MYH2: variants seen among roughly 807,000 people sequenced by gnomAD.
MYH2 encodes the protein myosin heavy chain 2, also known as myosin-2.
A neutral mutation model predicts 228.1 loss-of-function variants in MYH2; 139 were observed. The observed-to-expected ratio is 0.61, with a 90% CI of 0.53 to 0.70. MYH2 has a LOEUF of 0.70. Among genes scored for constraint, MYH2 ranks in the 30% least tolerant of loss-of-function variants. The pLI is 0.00. For synonymous variants in MYH2, 796 were observed against 871.1 expected (o/e 0.91, Z 1.52); for missense variants, 1,809 against 2,357.5 (o/e 0.77, Z 4.82).
At chr17:10,527,636 G>C in intron 28 of MYH2, 112 bp downstream of exon 28, 1 of 1,526,458 alleles carries the variant, frequency 6.6e-7, no homozygotes, top group East Asian at 2.3e-5. Context: ...GCTGTTCAGT[G>C]AATCAGACAT....
At position 10,521,166 on chromosome 17, in the gene MYH2, C is replaced by T; in HGVS notation, c.*114G>A. ...CTAAGGATATTGTTTGCAAACTACC[C>T]TATGCTTTATTTCCTTTGCAACAGG... On this transcript the variant is annotated 3_prime_UTR_variant, in exon 40 of 40. Coordinates refer to ENST00000245503, the MANE Select transcript of MYH2 (RefSeq NM_017534.6). 4 of 1,300,156 alleles carry T rather than the reference C, an allele frequency of 3.1e-6. No individual in the cohort carries two copies. Among genetic ancestry groups the T allele is most frequent in the Non-Finnish European group, 4.4e-6 (4 of 900,314 alleles). 80.5% of individuals were successfully genotyped at this position (1,300,156 alleles called of 1,614,324 possible).
chr17:10,546,103 G>T (rs2142322580), intron 4 of MYH2, among the ~76,000 whole-genome samples: 1 of 151,602 alleles, frequency 6.6e-6, no homozygotes, highest in Middle Eastern at 3.4e-3. Flanking sequence ...TAAGCTAAGT[G>T]GCCAACAGTA....
chr17:10,535,305 T>C lies in MYH2; in HGVS notation c.2035A>G (p.Ile679Val). The change falls in exon 18 of 40, where the codon ATC becomes GTC. Residue 679 changes from isoleucine (I) to valine (V), a missense_variant. Transcript: ENST00000245503. ...RSTHPHFVRC[I>V]IPNETKTPGA... ...GGAGTTTTTGTCTCATTGGGGATGA[T>C]ACACCTCACAAAGTGAGGATGGGTA... 1.2e-6 allele frequency: 2 copies of C among 1,614,182 alleles called. No individual in the cohort carries two copies. Among genetic ancestry groups the C allele is most frequent in the Non-Finnish European group, 1.7e-6 (2 of 1,180,020 alleles).
chr17:10,539,471 A>ATAC lies in MYH2; in HGVS notation c.1236_1238dup (p.Glu412_Tyr413insTer). On this transcript the variant is annotated stop_gained, in exon 13 of 40. Transcript: ENST00000245503. LOFTEE classifies it high-confidence loss of function. ...GTTCTACAGTCTGGCCTTTGGTGAC[A>ATAC]TACTCATTGCCGACCTTGACCCTGG... 1 of 1,614,216 alleles carries ATAC rather than the reference A, an allele frequency of 6.2e-7. No individual in the cohort carries two copies. The highest frequency in any genetic ancestry group is 8.5e-7 in the Non-Finnish European group (1 of 1,180,034).
At chr17:10,533,147 A>G in intron 21 of MYH2, 138 bp downstream of exon 21, 1 of 1,285,666 alleles carries the variant, frequency 7.8e-7, no homozygotes, top group South Asian at 1.3e-5. Context: ...GTTTTCTGGT[A>G]CATGTGTATT....
In MYH2 at chr17:10,536,529, C is replaced by G. The variant is rs750482091; in HGVS notation, c.1974+1G>C. On this transcript the variant is annotated splice_donor_variant, in intron 17 of 39. Coordinates refer to ENST00000245503, the MANE Select transcript of MYH2 (RefSeq NM_017534.6). LOFTEE classifies it high-confidence loss of function. Reference sequence around the variant, plus strand: ...AATGTCAAAAACAATTTCTTCCTTACTCTGAAAAGGGCAGACACTGTCTGG... The same window carrying G: ...AATGTCAAAAACAATTTCTTCCTTAGTCTGAAAAGGGCAGACACTGTCTGG... The G allele has an allele frequency of 1.2e-6, 2 of 1,613,254 alleles. No individual in the cohort carries two copies. Among genetic ancestry groups the G allele is most frequent in the Non-Finnish European group, 1.7e-6 (2 of 1,179,432 alleles).
intron 4 of MYH2, among the ~76,000 whole-genome samples, chr17:10,545,797 T>C (rs748556059): frequency 1.3e-5 from 2 of 152,120 alleles, no homozygotes; most frequent in Non-Finnish European, 2.9e-5. Context: ...GGAAATTAAT[T>C]GAATTTTAAC....
In MYH2 at chr17:10,537,434, A is replaced by C; in HGVS notation, c.1696T>G (p.Phe566Val). 1 of 1,614,210 alleles carries C rather than the reference A, an allele frequency of 6.2e-7. No individual in the cohort carries two copies. Among genetic ancestry groups the C allele is most frequent in the East Asian group, 2.2e-5 (1 of 44,888 alleles). Residue 566 changes from phenylalanine to valine, a missense_variant, in exon 16 of 40, where the codon TTC becomes GTC. Physicochemically the swap from Phe to Val is conservative, Grantham distance 50. Transcript: ENST00000245503. This position sits in a 1 kb window ranked among gnomAD's most constrained non-coding sequence, Gnocchi z 4.0. ...YDQHLGKSAN[F>V]QKPKVVKGKA... ...CCTTTGACCACCTTGGGCTTCTGGAAGTTGGCAGACTTGCCCAGGTGCTGG... is the reference window on the plus strand; with the variant it reads ...CCTTTGACCACCTTGGGCTTCTGGACGTTGGCAGACTTGCCCAGGTGCTGG...
chr17:10,525,333 A>G lies in MYH2; in HGVS notation c.4553T>C (p.Leu1518Pro). 1 of 1,614,082 alleles carries G rather than the reference A, an allele frequency of 6.2e-7. No homozygotes were observed. The highest frequency in any genetic ancestry group is 8.5e-7 in the Non-Finnish European group (1 of 1,180,012). Residue 1518 changes from leucine (L) to proline (P), a missense_variant, in exon 33 of 40, where the codon CTC becomes CCC. Physicochemically the swap from Leu to Pro is moderately conservative, Grantham distance 98. Transcript: ENST00000245503. This position sits in a 1 kb window ranked among gnomAD's most constrained non-coding sequence, Gnocchi z 4.2. ...CCCTCCTTCTGCAATCTGTTCCGTG[A>G]GGTCAGAAATCTCCTCTGTTGTTTG... is the stretch of plus-strand genomic sequence containing the variant. ...NKNLQQEISD[L>P]TEQIAEGGKR...
chr17:10,540,201 T>A, intron 11 of MYH2, 135 bp from the exon 12 acceptor site: 1 of 1,254,800 alleles, frequency 8.0e-7, no homozygotes. Context: ...ATTGGGTATA[T>A]AGAGAGTTGG....
At chr17:10,534,550 G>C (rs1567732425) in intron 19 of MYH2, among the ~76,000 whole-genome samples, 2 of 152,230 alleles carry the variant, frequency 1.3e-5, no homozygotes. Context: ...GTGCATCTAT[G>C]AGCTAAGCTA....
rs2073321662 is a variant in MYH2, at chr17:10,524,383, C to T, written c.5175+83G>A. The T allele has an allele frequency of 2.0e-5, 31 of 1,550,328 alleles. No individual in the cohort carries two copies. The highest frequency in any genetic ancestry group is 2.7e-5 in the Non-Finnish European group (30 of 1,122,050). On this transcript the variant is annotated intron_variant, in intron 35 of 39. Coordinates refer to ENST00000245503, the MANE Select transcript of MYH2 (RefSeq NM_017534.6). This position sits in a 1 kb window ranked among gnomAD's most constrained non-coding sequence, Gnocchi z 4.7. ...AGAAAATTTGATAGACATATTAGGT[C>T]TAGCTGTCTTATGAAAACTCAGGCT...
rs750223323 is a variant in MYH2 at position 10,523,880 on chromosome 17, G to C, written c.5180C>G (p.Thr1727Ser). The change falls in exon 36 of 40, where the codon ACC (threonine) becomes AGC (serine). Residue 1727 changes from threonine to serine, a missense_variant. Around this residue, in one of 9 missense-constraint regions of MYH2, gnomAD observed 278 missense variants for 308.5 expected, o/e 0.90. Coordinates refer to ENST00000245503, the MANE Select transcript of MYH2 (RefSeq NM_017534.6). ...CTTCTTCTTGGTGTTGATCAGGCTG[G>C]TGTTCTGTTTAAAAAGAATTTGTAC... is the stretch of plus-strand genomic sequence containing the variant. ...ERVQLLHTQN[T>S]SLINTKKKLE... The C allele has an allele frequency of 1.9e-5, 31 of 1,613,268 alleles. No homozygotes were observed. Among genetic ancestry groups the C allele is most frequent in the Admixed American group, 3.3e-5 (2 of 59,968 alleles).
chr17:10,542,079 G>A (rs2073563238), intron 10 of MYH2, among the ~76,000 whole-genome samples: 3 of 152,194 alleles, frequency 2.0e-5, no homozygotes, highest in South Asian at 2.1e-4. Context: ...TTCGAGACCA[G>A]CCTGGACAAC....
rs2142300169 is a variant in MYH2, at chr17:10,529,569, C to A, written c.3112G>T (p.Asp1038Tyr). The stretch of plus-strand genomic sequence containing the variant: ...CTTGATGATACCAGACTTACATCAT[C>A]CACTTGTTGTTCAAGTTTGATTTTA... The part of the protein sequence containing the change: ...KAKIKLEQQV[D>Y]DLEGSLEQEK... The change falls in exon 24 of 40, where the codon GAT becomes TAT. Residue 1038 changes from aspartate (D) to tyrosine (Y), a missense_variant. Around this residue, in one of 9 missense-constraint regions of MYH2, gnomAD observed 636 missense variants for 729.9 expected, o/e 0.87. Coordinates refer to ENST00000245503, the MANE Select transcript of MYH2 (RefSeq NM_017534.6). The A allele has an allele frequency of 3.7e-6, 6 of 1,614,198 alleles. No homozygotes were observed. Among genetic ancestry groups the A allele is most frequent in the Non-Finnish European group, 5.1e-6 (6 of 1,180,036 alleles).
At chr17:10,526,228 T>G (rs2073350956) in intron 30 of MYH2, among the ~76,000 whole-genome samples, 1 of 152,156 alleles carries the variant, frequency 6.6e-6, no homozygotes, top group Admixed American at 6.5e-5. Context: ...CATGAAGAGA[T>G]ATTTGAGTCA....
At chr17:10,545,862 A>G (rs1274681626) in intron 4 of MYH2, among the ~76,000 whole-genome samples, 1 of 152,174 alleles carries the variant, frequency 6.6e-6, no homozygotes, top group Non-Finnish European at 1.5e-5. Context: ...CAGCTTGAAA[A>G]CTAGTTGGCA....
intron 5 of MYH2, 135 bp downstream of exon 5, chr17:10,545,211 C>A: frequency 6.5e-7 from 1 of 1,543,192 alleles, no homozygotes; most frequent in South Asian, 1.1e-5. Context: ...CTTCCTGGAC[C>A]TTCTCCTTCA....
In MYH2 at chr17:10,547,835, T is replaced by C. The variant is rs765902935; in HGVS notation, c.86A>G (p.Asn29Ser). Residue 29 changes from asparagine to serine, a missense_variant, in exon 3 of 40, where the codon AAT becomes AGT. This residue lies in a region of MYH2 where 84 missense variants were observed against 81.8 expected (regional missense o/e 1.03). Transcript: ENST00000245503. ...AGATGTTTTGGCATCAAAGGGCCTA[T>C]TCTGGGCCTCAATGCGCTCCCTTTC... The part of the protein sequence containing the change: ...KSERERIEAQ[N>S]RPFDAKTSVF... 1 of 1,614,224 alleles carries C rather than the reference T, an allele frequency of 6.2e-7. No individual in the cohort carries two copies. Among genetic ancestry groups the C allele is most frequent in the East Asian group, 2.2e-5 (1 of 44,878 alleles).
Sources: allele counts gnomAD v4.1 joint callset (sites outside exome capture counted in the v4.1 genomes callset), GRCh38; gene constraint gnomAD v4.1.1; regional missense constraint gnomAD v4.1.1; non-coding constraint Gnocchi (gnomAD v3.1); transcripts MANE v1.5; gene names NCBI Gene and HGNC (gene_info 2026-07-23, HGNC 2026-07-21).